The following TUBB6 variants were observed in gnomAD, a reference collection of about 807,000 sequenced individuals.
The protein encoded by TUBB6 is tubulin beta-6 chain.
In TUBB6, 18 loss-of-function variants were observed where a neutral mutation model predicts 32.3. The ratio of observed to expected loss-of-function variants is 0.56; its 90% CI spans 0.39 to 0.83. The LOEUF is 0.83. Ranked by LOEUF, TUBB6 falls within the 40% of genes least tolerant of loss-of-function variation. TUBB6 has a pLI of 0.00. For missense variants in TUBB6, 480 were observed against 632.0 expected (o/e 0.76, Z 2.58); for synonymous variants, 280 against 265.8 (o/e 1.05, Z -0.52).
chr18:12,325,324 G>A lies in TUBB6; in HGVS notation c.535G>A (p.Val179Met). Residue 179 changes from valine to methionine, a missense_variant, in exon 4 of 4, where the codon GTG becomes ATG. Val to Met is a conservative substitution (Grantham distance 21). Transcript: ENST00000317702. ...VMPSPKVSDT[V>M]VEPYNATLSV... ...GCCCTCGCCCAAGGTGTCGGACACG[G>A]TGGTGGAGCCCTACAATGCCACACT... 6.2e-7 allele frequency: 1 copy of A among 1,614,254 alleles called. No homozygotes were observed. The highest frequency in any genetic ancestry group is 8.5e-7 in the Non-Finnish European group (1 of 1,180,038).
intron 3 of TUBB6, among the ~76,000 whole-genome samples, chr18:12,318,980 G>A (rs932181888): frequency 1.3e-5 from 2 of 152,226 alleles, no homozygotes; most frequent in African/African-American, 4.8e-5. Flanking sequence ...GCTTGTACAT[G>A]GTTTTTTCAA....
At chr18:12,327,135 G>A (rs764447799), downstream of TUBB6, among the ~76,000 whole-genome samples, 5 of 152,190 alleles carry the variant, frequency 3.3e-5, no homozygotes, top group African/African-American at 1.2e-4. Context: ...AGCTGTGAAC[G>A]TGGGACTTGC....
intron 3 of TUBB6, among the ~76,000 whole-genome samples, chr18:12,323,599 A>G (rs571348615): frequency 1.8e-3 from 268 of 152,138 alleles, no homozygotes; most frequent in African/African-American, 6.0e-3. Context: ...CGAAGTCAGG[A>G]GATTGAGACC....
At chr18:12,312,119 A>C (rs1048386381) in intron 3 of TUBB6, among the ~76,000 whole-genome samples, 11 of 152,214 alleles carry the variant, frequency 7.2e-5, no homozygotes, top group South Asian at 2.1e-4. Context: ...AGTTTAATAG[A>C]GGGTAACAGA....
At chr18:12,316,394 C>A (rs1368646344) in intron 3 of TUBB6, among the ~76,000 whole-genome samples, 1 of 152,198 alleles carries the variant, frequency 6.6e-6, no homozygotes, top group Non-Finnish European at 1.5e-5. Context: ...CTAATTGTCC[C>A]TGTAAGCCTT....
intron 2 of TUBB6, 145 bp downstream of exon 2, chr18:12,308,940 C>T (rs1334387137): frequency 3.2e-6 from 2 of 630,188 alleles, no homozygotes; most frequent in East Asian, 5.7e-5. Context: ...TCCTCCGGGG[C>T]GGGAAATCCG....
Position 12,325,846 on chromosome 18 carries a change from G to A in TUBB6, c.1057G>A (p.Val353Met). The change falls in exon 4 of 4, where the codon GTG becomes ATG. Residue 353 changes from valine to methionine, a missense_variant. Transcript: ENST00000317702. ...GATTCCCAACAACGTGAAGGTGGCC[G>A]TGTGCGACATCCCGCCCCGCGGCCT... ...EWIPNNVKVAVCDIPPRGLKM... is the reference protein window; with the variant it reads ...EWIPNNVKVAMCDIPPRGLKM... 3.7e-6 allele frequency: 6 copies of A among 1,614,204 alleles called. No homozygotes were observed. The highest frequency in any genetic ancestry group is 1.1e-5 in the South Asian group (1 of 91,086).
chr18:12,324,116 TC>T (rs1907132145), intron 3 of TUBB6, among the ~76,000 whole-genome samples: 1 of 152,148 alleles, frequency 6.6e-6, no homozygotes, highest in East Asian at 1.9e-4. Flanking sequence ...ACGCCTGTAA[TC>T]CCAGCACTTT....
Position 12,325,356 on chromosome 18 carries a change from G to A in TUBB6, c.567G>A (p.Val189=). The A allele has an allele frequency of 6.2e-7, 1 of 1,614,214 alleles. No individual in the cohort carries two copies. Among genetic ancestry groups the A allele is most frequent in the Non-Finnish European group, 8.5e-7 (1 of 1,180,028 alleles). The change falls in exon 4 of 4, where the codon GTG becomes GTA. Residue 189 remains valine, a synonymous_variant. Transcript: ENST00000317702. ...VVEPYNATLS[V]HQLVENTDET... is the part of the protein sequence containing the mutation. ...AGCCCTACAATGCCACACTGTCGGT[G>A]CACCAGCTGGTGGAGAATACAGACG...
chr18:12,329,588 G>C, downstream of TUBB6: 1 of 1,614,018 alleles, frequency 6.2e-7, no homozygotes, highest in Non-Finnish European at 8.5e-7. Flanking sequence ...TTCTCACCCG[G>C]GGGCTCCTCT....
chr18:12,325,615 C>G lies in TUBB6; in HGVS notation c.826C>G (p.Arg276Gly). The G allele has an allele frequency of 6.2e-7, 1 of 1,613,788 alleles. No individual in the cohort carries two copies. Among genetic ancestry groups the G allele is most frequent in the Non-Finnish European group, 8.5e-7 (1 of 1,179,938 alleles). Residue 276 changes from arginine to glycine, a missense_variant, in exon 4 of 4, where the codon CGC becomes GGC. By Grantham distance (125) the Arg-to-Gly change is moderately radical. Transcript: ENST00000317702. ...FMPGFAPLTSRGSQQYRALTV... is the reference protein window; with the variant it reads ...FMPGFAPLTSGGSQQYRALTV... ...GCCTGGCTTCGCGCCGCTCACCAGC[C>G]GCGGCAGCCAGCAGTACCGGGCCCT...
Position 12,325,064 on chromosome 18 carries a change from C to A in TUBB6, c.278-3C>A. 6.4e-7 allele frequency: 1 copy of A among 1,560,076 alleles called. No individual in the cohort carries two copies. The highest frequency in any genetic ancestry group is 1.2e-5 in the South Asian group (1 of 81,726). Reference sequence around the variant, plus strand: ...AAACGGCACGGGACTCTCTTTGTTGCAGGCCAGACGGGTGCAGGGAACAAC... The same window carrying A: ...AAACGGCACGGGACTCTCTTTGTTGAAGGCCAGACGGGTGCAGGGAACAAC... On this transcript the variant is annotated splice_polypyrimidine_tract_variant and splice_region_variant and intron_variant, in intron 3 of 3. Transcript: ENST00000317702.
At position 12,325,935 on chromosome 18, in the gene TUBB6, C is replaced by G. The variant is rs748055691; in HGVS notation, c.1146C>G (p.Ser382=). 229 of 1,613,928 alleles carry G rather than the reference C, an allele frequency of 1.4e-4. No homozygotes were observed. Among genetic ancestry groups the G allele is most frequent in the Non-Finnish European group, 1.9e-4 (225 of 1,180,046 alleles). The change falls in exon 4 of 4, where the codon TCC becomes TCG. Residue 382 remains serine (S), a synonymous_variant. Transcript: ENST00000317702. ...TCCAGGAGCTGTTCAAGCGCATCTC[C>G]GAGCAGTTCTCAGCCATGTTCCGGC... The part of the protein sequence containing the change: ...TAIQELFKRI[S]EQFSAMFRRK...
chr18:12,320,387 A>C (rs1906925433), intron 3 of TUBB6: 1 of 152,232 alleles, frequency 6.6e-6, no homozygotes, highest in Admixed American at 6.5e-5. Context: ...TAAATGTTTT[A>C]ATAAAGTAAT....
chr18:12,311,176 G>C (rs1011702348), intron 3 of TUBB6, 123 bp downstream of exon 3: 16 of 823,448 alleles, frequency 1.9e-5, no homozygotes, highest in Non-Finnish European at 2.9e-5. Flanking sequence ...GTGGTTCCCA[G>C]CCCCACCCCT....
chr18:12,328,002 A>T (rs984783927), downstream of TUBB6, among the ~76,000 whole-genome samples: 3 of 152,198 alleles, frequency 2.0e-5, no homozygotes, highest in Admixed American at 1.3e-4. Flanking sequence ...CCTGGAAACA[A>T]TGCTTCATTG....
intron 3 of TUBB6, 40 bp downstream of exon 3, chr18:12,311,093 T>C: frequency 2.7e-6 from 4 of 1,499,064 alleles, no homozygotes; most frequent in Non-Finnish European, 3.7e-6. Flanking sequence ...CTTCTTTTAT[T>C]TTTTTAAATC....
intron 1 of TUBB6, 41 bp from the exon 2 acceptor site, chr18:12,308,646 T>C (rs1456415261): frequency 7.1e-7 from 1 of 1,417,768 alleles, no homozygotes. Flanking sequence ...TCCCGGGCTC[T>C]GGGTTCTGAG....
rs183140684 is a variant in TUBB6 at position 12,314,305 on chromosome 18, C to T, written c.277+3252C>T. ...CGAGAAGAAATGGCCCTATCTCCCCCACTTGTTGTAGAATTCTGCCCAGTC... is the reference window on the plus strand; with the variant it reads ...CGAGAAGAAATGGCCCTATCTCCCCTACTTGTTGTAGAATTCTGCCCAGTC... On this transcript the variant is annotated intron_variant, in intron 3 of 3. Coordinates refer to ENST00000317702, the MANE Select transcript of TUBB6 (RefSeq NM_032525.3). Among the ~76,000 whole-genome samples the T allele has an allele frequency of 2.0e-5, 3 of 152,146 alleles. No individual in the cohort carries two copies. In the South Asian group the frequency reaches 6.2e-4, roughly 32 times the overall value.
Sources: allele counts gnomAD v4.1 joint callset (sites outside exome capture counted in the v4.1 genomes callset), GRCh38; gene constraint gnomAD v4.1.1; transcripts MANE v1.5; gene names NCBI Gene and HGNC (gene_info 2026-07-23, HGNC 2026-07-21).